The following NAALADL2 variants were observed in gnomAD, a reference collection of about 807,000 sequenced individuals.
The protein encoded by NAALADL2 is inactive N-acetylated-alpha-linked acidic dipeptidase-like protein 2.
A neutral mutation model predicts 87.2 loss-of-function variants in NAALADL2; 76 were observed. The observed-to-expected ratio is 0.87, with a 90% CI of 0.72 to 1.05. NAALADL2 has a LOEUF of 1.05. NAALADL2 is among the 50% of genes least tolerant of loss of function. The pLI is 0.00. For synonymous variants in NAALADL2, 354 were observed against 331.0 expected, an observed-to-expected ratio of 1.07 and a Z score of -0.75; for missense variants, 1,089 against 945.8, an observed-to-expected ratio of 1.15 and a Z score of -1.99.
chr3:175,586,473 T>C (rs1720556019), intron 10 of NAALADL2, among the ~76,000 whole-genome samples: 1 of 152,244 alleles, frequency 6.6e-6, no homozygotes, highest in South Asian at 2.1e-4. Flanking sequence ...GAAATAATGC[T>C]GAAGAGAACA....
intron 3 of NAALADL2, among the ~76,000 whole-genome samples, chr3:174,777,433 G>A (rs1715349375): frequency 6.6e-6 from 1 of 152,026 alleles, no homozygotes; most frequent in South Asian, 2.1e-4. Context: ...GAACCTAATT[G>A]TAATTGGTTT....
chr3:174,555,769 G>T (rs1712717067), intron 2 of NAALADL2, among the ~76,000 whole-genome samples: 1 of 152,110 alleles, frequency 6.6e-6, no homozygotes, highest in Admixed American at 6.6e-5. Context: ...GACTTCTCTA[G>T]AATGAGGATC....
intron 3 of NAALADL2, among the ~76,000 whole-genome samples, chr3:175,255,144 G>A (rs1191034104): frequency 1.5e-5 from 2 of 134,888 alleles, no homozygotes; most frequent in African/African-American, 5.1e-5. Flanking sequence ...CCATATTTGG[G>A]CAACAGATAA....
intron 1 of NAALADL2, among the ~76,000 whole-genome samples, chr3:175,034,317 A>T (rs1753148627): frequency 6.6e-6 from 1 of 152,154 alleles, no homozygotes; most frequent in South Asian, 2.1e-4. Flanking sequence ...AAAGCCAGAT[A>T]CAAGTTCTGA....
intron 3 of NAALADL2, among the ~76,000 whole-genome samples, chr3:174,827,866 T>C (rs1722175625): frequency 6.6e-6 from 1 of 152,178 alleles, no homozygotes; most frequent in Non-Finnish European, 1.5e-5. Context: ...TTGAAGTCCC[T>C]CTTCCCAGGC....
intron 2 of NAALADL2, among the ~76,000 whole-genome samples, chr3:175,116,145 T>C (rs1400015044): frequency 4.6e-5 from 7 of 151,954 alleles, no homozygotes. Flanking sequence ...GGGCAAAAAC[T>C]GGAAGCATTC....
At chr3:175,689,569 G>A (rs937674034) in intron 11 of NAALADL2, among the ~76,000 whole-genome samples, 1 of 152,116 alleles carries the variant, frequency 6.6e-6, no homozygotes, top group African/African-American at 2.4e-5. Flanking sequence ...CCTATCACAT[G>A]GTTATCTGGT....
chr3:175,289,092 CTGT>C (rs1192084765), intron 4 of NAALADL2, among the ~76,000 whole-genome samples: 8 of 152,018 alleles, frequency 5.3e-5, no homozygotes, highest in African/African-American at 1.9e-4. Context: ...AGAATTTGAG[CTGT>C]TATCTTAAAT....
At chr3:174,764,280 A>G (rs1448353480) in intron 3 of NAALADL2, among the ~76,000 whole-genome samples, 2 of 152,222 alleles carry the variant, frequency 1.3e-5, no homozygotes, top group African/African-American at 4.8e-5. Context: ...GTTTTAAGCT[A>G]GGTAACTTTT....
chr3:175,190,033 T>C (rs1440680392), intron 2 of NAALADL2, among the ~76,000 whole-genome samples: 6 of 152,078 alleles, frequency 3.9e-5, no homozygotes, highest in African/African-American at 1.4e-4. Context: ...ATCCTTATCT[T>C]ACATCATATG....
At chr3:174,956,219 A>G (rs1741127324) in intron 1 of NAALADL2, among the ~76,000 whole-genome samples, 1 of 152,054 alleles carries the variant, frequency 6.6e-6, no homozygotes, top group Non-Finnish European at 1.5e-5. Context: ...AAATTTGCAG[A>G]TCTCATTTTC....
chr3:175,500,907 G>A (rs76125421), intron 9 of NAALADL2, among the ~76,000 whole-genome samples: 3,273 of 152,220 alleles, frequency 0.022, 115 homozygotes, highest in African/African-American at 0.074. Context: ...TAGACAGTGA[G>A]TGGCTTTGAA....
At chr3:174,623,902 G>T (rs1427120847) in intron 2 of NAALADL2, among the ~76,000 whole-genome samples, 1 of 151,744 alleles carries the variant, frequency 6.6e-6, no homozygotes, top group Non-Finnish European at 1.5e-5. Flanking sequence ...CTTATAAAGT[G>T]CAATCCATCC....
intron 9 of NAALADL2, among the ~76,000 whole-genome samples, chr3:175,522,196 T>A (rs970071445): frequency 2.0e-5 from 3 of 152,196 alleles, no homozygotes; most frequent in Admixed American, 6.5e-5. Context: ...AGCACATTAT[T>A]TAAAATTATA....
chr3:175,589,349 G>A (rs1227908283), intron 10 of NAALADL2, among the ~76,000 whole-genome samples: 1 of 151,774 alleles, frequency 6.6e-6, no homozygotes, highest in Admixed American at 6.6e-5. Context: ...ACAATTTGTT[G>A]TTACCATTTT....
intron 5 of NAALADL2, among the ~76,000 whole-genome samples, chr3:175,338,609 AAAAAAC>A (rs1313886196): frequency 1.9e-5 from 2 of 106,756 alleles, no homozygotes; most frequent in East Asian, 1.0e-3. Context: ...AAAAAAAAAA[AAAAAAC>A]ACCACAAACA....
intron 2 of NAALADL2, among the ~76,000 whole-genome samples, chr3:175,121,530 G>A (rs1203945372): frequency 2.6e-5 from 4 of 151,810 alleles, no homozygotes; most frequent in African/African-American, 9.7e-5. Context: ...TAAGAGAGCT[G>A]AGGAACACCC....
At chr3:175,536,839 G>A (rs138950100) in intron 9 of NAALADL2, among the ~76,000 whole-genome samples, 2,245 of 152,184 alleles carry the variant, frequency 0.015, 55 homozygotes, top group African/African-American at 0.052. Context: ...AAAATTAGCC[G>A]GGCGTGGTGG....
At chr3:174,996,761 A>G (rs943516060) in intron 1 of NAALADL2, among the ~76,000 whole-genome samples, 8 of 152,034 alleles carry the variant, frequency 5.3e-5, no homozygotes, top group Admixed American at 2.0e-4. Context: ...ACTGTACCCA[A>G]TATGTAGTCT....
Sources: gnomAD v4.1 joint callset for allele counts (sites outside exome capture counted in the v4.1 genomes callset) on GRCh38, gnomAD v4.1.1 for gene constraint, MANE v1.5 for transcripts, NCBI Gene and HGNC (gene_info 2026-07-23, HGNC 2026-07-21) for gene names.